The following PRIMA1 variants were observed in gnomAD, a reference collection of about 807,000 sequenced individuals.
The protein encoded by PRIMA1 is proline rich membrane anchor 1.
In PRIMA1, 7 loss-of-function variants were observed where a neutral mutation model predicts 17.5. The ratio of observed to expected loss-of-function variants is 0.40; its 90% CI spans 0.23 to 0.75. The LOEUF is 0.75. Ranked by LOEUF, PRIMA1 falls within the 30% of genes least tolerant of loss-of-function variation. The pLI, the probability that PRIMA1 is intolerant of heterozygous loss-of-function variation, is 0.37. For missense variants in PRIMA1, 200 were observed against 201.8 expected (o/e 0.99, Z 0.05); for synonymous variants, 97 against 77.9 (o/e 1.25, Z -1.29).
intron 3 of PRIMA1, among the ~76,000 whole-genome samples, chr14:93,771,106 ACG>A (rs1306019283): frequency 4.1e-4 from 62 of 151,932 alleles, no homozygotes; most frequent in Admixed American, 2.6e-4. Context: ...GTGTGCATGT[ACG>A]CGTGTGCATG....
chr14:93,727,430 C>A (rs1395093777), intron 4 of PRIMA1, among the ~76,000 whole-genome samples: 7 of 152,184 alleles, frequency 4.6e-5, no homozygotes, highest in Admixed American at 4.6e-4. Flanking sequence ...TGGACAGGGA[C>A]CTCCAAGCTA....
intron 3 of PRIMA1, among the ~76,000 whole-genome samples, chr14:93,737,748 G>T (rs2076160332): frequency 6.6e-6 from 1 of 152,162 alleles, no homozygotes; most frequent in South Asian, 2.1e-4. Flanking sequence ...ATCATGGCTG[G>T]CCCCCAGCCA....
intron 3 of PRIMA1, among the ~76,000 whole-genome samples, chr14:93,752,210 T>A (rs1478456700): frequency 6.6e-6 from 1 of 152,168 alleles, no homozygotes; most frequent in Non-Finnish European, 1.5e-5. Flanking sequence ...GATTCTCAGA[T>A]CCCTCCCCCT....
At chr14:93,725,925 G>T in intron 4 of PRIMA1, 1 of 456,460 alleles carries the variant, frequency 2.2e-6, no homozygotes, top group Admixed American at 2.4e-5. Flanking sequence ...AGCTGAGGCT[G>T]GTCTCATTAA....
At chr14:93,784,157 C>T (rs542338041) in intron 2 of PRIMA1, among the ~76,000 whole-genome samples, 217 of 152,126 alleles carry the variant, frequency 1.4e-3, no homozygotes, top group Non-Finnish European at 2.7e-3. Context: ...TAAAGTATAT[C>T]CCCAATATTA....
At chr14:93,767,021 G>A (rs1287603426) in intron 3 of PRIMA1, among the ~76,000 whole-genome samples, 3 of 152,192 alleles carry the variant, frequency 2.0e-5, no homozygotes, top group Non-Finnish European at 4.4e-5. Context: ...CCACTGATGG[G>A]CAGAGTGGCC....
intron 3 of PRIMA1, among the ~76,000 whole-genome samples, chr14:93,754,307 G>A (rs930758171): frequency 6.6e-6 from 1 of 152,068 alleles, no homozygotes; most frequent in African/African-American, 2.4e-5. Context: ...GGGACAATCT[G>A]ACCCCAAAGT....
At chr14:93,746,323 G>A (rs896722287) in intron 3 of PRIMA1, among the ~76,000 whole-genome samples, 12 of 152,060 alleles carry the variant, frequency 7.9e-5, no homozygotes, top group African/African-American at 2.9e-4. Flanking sequence ...AGGGTGCTGG[G>A]GTGCAGGGTT....
chr14:93,735,870 G>C (rs949009834), intron 4 of PRIMA1, among the ~76,000 whole-genome samples: 2 of 151,986 alleles, frequency 1.3e-5, no homozygotes, highest in Admixed American at 1.3e-4. Context: ...TGTATTTTTA[G>C]TAGAGACGGG....
At chr14:93,787,168 ATGCATTATC>A (rs1885548586) in intron 2 of PRIMA1, among the ~76,000 whole-genome samples, 1 of 152,210 alleles carries the variant, frequency 6.6e-6, no homozygotes, top group South Asian at 2.1e-4. Context: ...ATGGGCCACC[ATGCATTATC>A]TGTCTACATC....
chr14:93,768,209 A>G (rs181902952), intron 3 of PRIMA1, among the ~76,000 whole-genome samples: 1 of 152,246 alleles, frequency 6.6e-6, no homozygotes, highest in East Asian at 1.9e-4. Context: ...CAGACTCCAC[A>G]TAAGACACAG....
At chr14:93,759,071 C>T (rs1159681783) in intron 3 of PRIMA1, among the ~76,000 whole-genome samples, 1 of 152,180 alleles carries the variant, frequency 6.6e-6, no homozygotes, top group Non-Finnish European at 1.5e-5. Flanking sequence ...ACAGCTGTCG[C>T]TTTCCATGAT....
At chr14:93,749,896 G>GT (rs2076249527) in intron 3 of PRIMA1, among the ~76,000 whole-genome samples, 1 of 152,022 alleles carries the variant, frequency 6.6e-6, no homozygotes, top group Middle Eastern at 3.2e-3. Flanking sequence ...GCTGGGATAA[G>GT]TAAGCTGGGT....
chr14:93,773,687 C>T (rs59982357), intron 3 of PRIMA1, among the ~76,000 whole-genome samples: 56,808 of 152,074 alleles, frequency 0.37, 10,813 homozygotes, highest in Middle Eastern at 0.53. Context: ...GCAGGCAGGG[C>T]GCAGGGTAGG....
At chr14:93,774,799 C>T (rs1045666405) in intron 3 of PRIMA1, among the ~76,000 whole-genome samples, 7 of 152,236 alleles carry the variant, frequency 4.6e-5, no homozygotes, top group African/African-American at 1.4e-4. Context: ...ACGATTACAG[C>T]AATGGATACC....
At chr14:93,768,303 G>A (rs1884952992) in intron 3 of PRIMA1, among the ~76,000 whole-genome samples, 1 of 152,148 alleles carries the variant, frequency 6.6e-6, no homozygotes, top group Non-Finnish European at 1.5e-5. Flanking sequence ...CCACGGAGAA[G>A]GTGCACTGTC....
At chr14:93,768,782 C>T (rs971232467) in intron 3 of PRIMA1, among the ~76,000 whole-genome samples, 2 of 150,234 alleles carry the variant, frequency 1.3e-5, no homozygotes, top group Admixed American at 6.7e-5. Flanking sequence ...AAATTCAGTA[C>T]TTAAAAAAGA....
intron 3 of PRIMA1, among the ~76,000 whole-genome samples, chr14:93,751,987 C>T (rs2076262279): frequency 6.6e-6 from 1 of 152,182 alleles, no homozygotes; most frequent in African/African-American, 2.4e-5. Flanking sequence ...TTAATGGCTA[C>T]TATTTCGCAC....
intron 3 of PRIMA1, among the ~76,000 whole-genome samples, chr14:93,775,488 G>C (rs1397916727): frequency 6.6e-6 from 1 of 152,168 alleles, no homozygotes; most frequent in Non-Finnish European, 1.5e-5. Flanking sequence ...TGTTTGTTTT[G>C]TTGTTTTTTG....
Sources: allele counts gnomAD v4.1 joint callset (sites outside exome capture counted in the v4.1 genomes callset), GRCh38; gene constraint gnomAD v4.1.1; transcripts MANE v1.5; gene names NCBI Gene and HGNC (gene_info 2026-07-23, HGNC 2026-07-21).